The following RIN3 variants were observed in gnomAD, a reference collection of about 807,000 sequenced individuals.
The protein encoded by RIN3 is RAB5 interacting protein 3.
In RIN3, 54 loss-of-function variants were observed where a neutral mutation model predicts 76.3. The ratio of observed to expected loss-of-function variants is 0.71; its 90% confidence interval spans 0.57 to 0.89. The LOEUF is 0.89. RIN3 is among the 40% of genes least tolerant of loss of function. The pLI, the probability that RIN3 is intolerant of heterozygous loss-of-function variation, is 0.00. For missense variants in RIN3, 1,256 were observed against 1,322.1 expected, an observed-to-expected ratio of 0.95 and a Z score of 0.78; for synonymous variants, 576 against 564.0, an observed-to-expected ratio of 1.02 and a Z score of -0.30.
chr14:92,639,138 A>G (rs1654352590), intron 4 of RIN3, among the ~76,000 whole-genome samples: 1 of 152,218 alleles, frequency 6.6e-6, no homozygotes, highest in East Asian at 1.9e-4. Context: ...GGGGCTTTGG[A>G]GACCTGGAAG....
At chr14:92,526,560 C>T (rs1371850839) in intron 1 of RIN3, among the ~76,000 whole-genome samples, 1 of 151,774 alleles carries the variant, frequency 6.6e-6, no homozygotes, top group Non-Finnish European at 1.5e-5. Flanking sequence ...GGAGACCATC[C>T]TGGCCAACAT....
chr14:92,533,645 C>G (rs183554679), intron 1 of RIN3, among the ~76,000 whole-genome samples: 108 of 152,262 alleles, frequency 7.1e-4, no homozygotes, highest in African/African-American at 2.4e-3. Flanking sequence ...TATGTTCTCA[C>G]TCCTAAGTGG....
intron 1 of RIN3, among the ~76,000 whole-genome samples, chr14:92,519,458 G>A (rs1322039042): frequency 6.6e-6 from 1 of 152,188 alleles, no homozygotes; most frequent in Non-Finnish European, 1.5e-5. Flanking sequence ...GAGGGTGGCT[G>A]GGCTGGTAAG....
Position 92,652,981 on chromosome 14 carries a change from T to G in RIN3, c.1932T>G (p.Ile644Met). ...CCAGCACGGAGATGCTGCAGGAGAT[T>G]CGCACCATGATGACCCAGCTCAAGA... ...QTSSTEMLQE[I>M]RTMMTQLKSY... Residue 644 changes from isoleucine (I) to methionine (M), a missense_variant, in exon 6 of 10, where the codon ATT (isoleucine) becomes ATG (methionine). Around this residue, in one of 3 missense-constraint regions of RIN3, gnomAD observed 428 missense variants for 521.2 expected, o/e 0.82. Coordinates refer to ENST00000216487, the MANE Select transcript of RIN3 (RefSeq NM_024832.5). The surrounding 1 kb of genome is among the most constrained non-coding windows in gnomAD (Gnocchi z 6.4). 6.2e-7 allele frequency: 1 copy of G among 1,613,424 alleles called. No individual in the cohort carries two copies. The highest frequency in any genetic ancestry group is 8.5e-7 in the Non-Finnish European group (1 of 1,180,012).
intron 3 of RIN3, among the ~76,000 whole-genome samples, chr14:92,613,300 C>T (rs1031919860): frequency 6.6e-5 from 10 of 152,128 alleles, no homozygotes; most frequent in South Asian, 2.1e-4. Flanking sequence ...GGCACTGGGA[C>T]GCTCGGGGCA....
intron 2 of RIN3, among the ~76,000 whole-genome samples, chr14:92,561,100 A>C (rs1404485820): frequency 1.6e-5 from 2 of 128,684 alleles, no homozygotes; most frequent in Admixed American, 9.3e-5. Context: ...TGCCATATAT[A>C]TGCCATATTT....
At chr14:92,533,579 G>T (rs1327521760) in intron 1 of RIN3, among the ~76,000 whole-genome samples, 6 of 152,184 alleles carry the variant, frequency 3.9e-5, no homozygotes, top group Non-Finnish European at 8.8e-5. Context: ...AACCTGGATG[G>T]AACTGGAGAC....
At chr14:92,666,156 C>T (rs1289701563) in intron 7 of RIN3, among the ~76,000 whole-genome samples, 1 of 151,992 alleles carries the variant, frequency 6.6e-6, no homozygotes, top group Non-Finnish European at 1.5e-5. Flanking sequence ...TCCCAGCCCC[C>T]TCACCTCCAG....
intron 5 of RIN3, among the ~76,000 whole-genome samples, chr14:92,646,440 T>G (rs527470271): frequency 1.2e-4 from 19 of 152,318 alleles, no homozygotes; most frequent in African/African-American, 4.6e-4. Context: ...TGTGTTTGTT[T>G]GTTTGTTGTT....
intron 2 of RIN3, among the ~76,000 whole-genome samples, chr14:92,567,213 T>G (rs1193452622): frequency 6.6e-6 from 1 of 152,012 alleles, no homozygotes; most frequent in Non-Finnish European, 1.5e-5. Context: ...TGGAAGAGAG[T>G]AGGGGGATAC....
chr14:92,622,220 A>C (rs1435455476), intron 4 of RIN3, among the ~76,000 whole-genome samples: 3 of 152,074 alleles, frequency 2.0e-5, no homozygotes, highest in Admixed American at 6.5e-5. Context: ...AAGAGCATCC[A>C]CTTTGGGGAG....
intron 4 of RIN3, 65 bp downstream of exon 4, chr14:92,615,544 G>T (rs1046020745): frequency 5.1e-6 from 7 of 1,379,308 alleles, no homozygotes; most frequent in Admixed American, 5.0e-5. Flanking sequence ...AACCCTGGGT[G>T]GGTGCAGGGG....
chr14:92,552,135 G>A (rs752984291), intron 1 of RIN3, among the ~76,000 whole-genome samples: 2 of 152,202 alleles, frequency 1.3e-5, no homozygotes, highest in Non-Finnish European at 2.9e-5. Flanking sequence ...TGAAGGGACT[G>A]GACCGGATTC....
intron 3 of RIN3, among the ~76,000 whole-genome samples, chr14:92,611,431 T>C (rs1160390007): frequency 6.6e-6 from 1 of 152,150 alleles, no homozygotes; most frequent in Non-Finnish European, 1.5e-5. Flanking sequence ...TGGCTAATTT[T>C]TTTTATTTCT....
intron 2 of RIN3, among the ~76,000 whole-genome samples, chr14:92,571,697 C>T (rs1381383835): frequency 6.6e-6 from 1 of 152,192 alleles, no homozygotes; most frequent in Non-Finnish European, 1.5e-5. Context: ...AATTTGGCTT[C>T]AAATTCAGGA....
At chr14:92,663,746 G>T (rs2140155543) in intron 7 of RIN3, among the ~76,000 whole-genome samples, 1 of 152,308 alleles carries the variant, frequency 6.6e-6, no homozygotes, top group South Asian at 2.1e-4. Context: ...AAGAGCAGAG[G>T]ATTTGGGGTT....
intron 1 of RIN3, among the ~76,000 whole-genome samples, chr14:92,525,312 T>A (rs988049272): frequency 6.6e-6 from 1 of 152,148 alleles, no homozygotes; most frequent in Admixed American, 6.5e-5. Flanking sequence ...CCCACTAGAC[T>A]GTAAGCTCCC....
intron 4 of RIN3, among the ~76,000 whole-genome samples, chr14:92,638,181 C>T (rs1444169851): frequency 2.0e-5 from 3 of 152,108 alleles, no homozygotes; most frequent in Non-Finnish European, 2.9e-5. Flanking sequence ...AAGAAGAGTC[C>T]ATGGTGTGGC....
intron 5 of RIN3, among the ~76,000 whole-genome samples, chr14:92,650,584 G>A (rs368285563): frequency 4.3e-4 from 66 of 152,346 alleles, no homozygotes; most frequent in African/African-American, 1.5e-3. Context: ...GTCATCCTCT[G>A]TCCAGCTCCA....
Sources: allele counts gnomAD v4.1 joint callset (sites outside exome capture counted in the v4.1 genomes callset), GRCh38; gene constraint gnomAD v4.1.1; regional missense constraint gnomAD v4.1.1; non-coding constraint Gnocchi (gnomAD v3.1); transcripts MANE v1.5; gene names NCBI Gene and HGNC (gene_info 2026-07-23, HGNC 2026-07-21).